Variants in TRAK2 observed in about 807,000 individuals in gnomAD.
The protein encoded by TRAK2 is trafficking kinesin protein 2, also known as trafficking kinesin-binding protein 2.
In TRAK2, 81 loss-of-function variants were observed where a neutral mutation model predicts 104.6. That is an observed-to-expected ratio of 0.77 (90% CI 0.65 to 0.93). The LOEUF (loss-of-function observed/expected upper bound fraction) is 0.93. Ranked by LOEUF, TRAK2 falls within the 40% of genes least tolerant of loss-of-function variation. The probability of loss-of-function intolerance (pLI) is 0.00; values close to 1 mark genes in which losing one functional copy is unlikely to be tolerated. For missense variants in TRAK2, 1,002 were observed against 1,089.0 expected (o/e 0.92, Z 1.12); for synonymous variants, 406 against 394.4 (o/e 1.03, Z -0.35).
rs1319058310 is a variant in TRAK2, at chr2:201,447,563, A to ATCC, written c.-200+3784_-200+3786dup. Among the ~76,000 whole-genome samples, 1 of 152,084 alleles carries ATCC rather than the reference A, an allele frequency of 6.6e-6. No individual in the cohort carries two copies. The highest frequency in any genetic ancestry group is 2.4e-5 in the African/African-American group (1 of 41,396). ...CCTCTCTCCTTGGTCTTCTTGATGA[A>ATCC]TCCTCACATGGTCTTTCCTTTGTGT... On this transcript the variant is annotated intron_variant, in intron 1 of 15. Coordinates refer to ENST00000332624, the MANE Select transcript of TRAK2 (RefSeq NM_015049.3). The surrounding 1 kb of genome is among the most constrained non-coding windows in gnomAD (Gnocchi z 4.1).
rs544072684 is a variant in TRAK2, at chr2:201,419,933, G to A, written c.91+484C>T. On this transcript the variant is annotated intron_variant, in intron 2 of 15. Coordinates refer to ENST00000332624, the MANE Select transcript of TRAK2 (RefSeq NM_015049.3). Reference sequence around the variant, plus strand: ...TGAGTTAAGTCTAGAAACAGCCAAAGTCTGGTTTGGTGGGCAAATGAGTTT... The same window carrying A: ...TGAGTTAAGTCTAGAAACAGCCAAAATCTGGTTTGGTGGGCAAATGAGTTT... 7.9e-5 allele frequency among the ~76,000 whole-genome samples: 12 copies of A among 152,298 alleles called. No homozygotes were observed. The South Asian group carries it at 2.1e-3, about 26-fold the overall frequency.
chr2:201,381,201 A>G lies in TRAK2; in HGVS notation c.2087T>C (p.Leu696Ser), dbSNP rs1242127037. The change falls in exon 16 of 16, where the codon TTA (leucine) becomes TCA (serine). Residue 696 changes from leucine to serine, a missense_variant. Leu to Ser is a moderately radical substitution (Grantham distance 145, BLOSUM62 -2). Coordinates refer to ENST00000332624, the MANE Select transcript of TRAK2 (RefSeq NM_015049.3). The part of the protein sequence containing the change: ...QVTPSSGFPS[L>S]SCGSSGSSSS... ...ACTGCTACCGCTACTTCCACAGGATAATGAAGGGAACCCAGAGCTTAAAAA... is the reference window on the plus strand; with the variant it reads ...ACTGCTACCGCTACTTCCACAGGATGATGAAGGGAACCCAGAGCTTAAAAA... 1.9e-6 allele frequency: 3 copies of G among 1,605,966 alleles called. No homozygotes were observed.
rs553362529 is a variant in TRAK2, at chr2:201,379,107, T to A, written c.*1436A>T. ...AGTCCCCTCTCTCATCTTTTCTCTA[T>A]CATGTCTTTTGTATAAAGACATTTC... On this transcript the variant is annotated 3_prime_UTR_variant, in exon 16 of 16. Coordinates refer to ENST00000332624, the MANE Select transcript of TRAK2 (RefSeq NM_015049.3). The A allele has an allele frequency of 1.3e-5, 2 of 152,240 alleles. No individual in the cohort carries two copies. Among genetic ancestry groups the A allele is most frequent in the Non-Finnish European group, 2.9e-5 (2 of 68,046 alleles). 9.4% of individuals were successfully genotyped at this position (152,240 alleles called of 1,614,324 possible). A position where few individuals can be genotyped will look rare whatever the true frequency, so the allele number is the denominator to read the frequency against.
chr2:201,419,739 CA>C (rs1444378463), intron 2 of TRAK2, among the ~76,000 whole-genome samples: 3 of 152,016 alleles, frequency 2.0e-5, no homozygotes, highest in Non-Finnish European at 2.9e-5. Context: ...TAAATTAAAA[CA>C]AACTTTGGGT....
In TRAK2 at chr2:201,420,542, G is replaced by T; in HGVS notation, c.-35C>A. 6.5e-7 allele frequency: 1 copy of T among 1,532,706 alleles called. No individual in the cohort carries two copies. The allele number at this position is 1,532,706 out of a possible 1,614,324, so 94.9% of individuals were successfully genotyped here. A position where few individuals can be genotyped will look rare whatever the true frequency, so the allele number is the denominator to read the frequency against. On this transcript the variant is annotated 5_prime_UTR_variant, in exon 2 of 16. It adds an upstream start codon to the 5' untranslated region. Transcript: ENST00000332624. ...TTTCTTGCTTTGGTTGAGAAGGACAGCTTTGGTATGAATCAGAGTAAAGGA... is the reference window on the plus strand; with the variant it reads ...TTTCTTGCTTTGGTTGAGAAGGACATCTTTGGTATGAATCAGAGTAAAGGA...
intron 3 of TRAK2, 51 bp downstream of exon 3, chr2:201,407,352 C>A: frequency 6.7e-7 from 1 of 1,487,146 alleles, no homozygotes; most frequent in South Asian, 1.2e-5. Flanking sequence ...ACCAAGATAC[C>A]CATGATCATT....
chr2:201,407,768 T>TTC (rs1553622276), intron 2 of TRAK2, among the ~76,000 whole-genome samples, 171 bp from the exon 3 acceptor site: 3 of 151,666 alleles, frequency 2.0e-5, no homozygotes, highest in Non-Finnish European at 4.4e-5. Flanking sequence ...AGTTTTTTTT[T>TTC]CTCCAGGTTT....
intron 2 of TRAK2, among the ~76,000 whole-genome samples, chr2:201,418,383 G>A (rs772474954): frequency 6.6e-6 from 1 of 152,056 alleles, no homozygotes; most frequent in African/African-American, 2.4e-5. Flanking sequence ...ATTATGTTGC[G>A]CAGGCTGGTC....
In TRAK2 at chr2:201,380,827, A is replaced by G. The variant is rs746117555; in HGVS notation, c.2461T>C (p.Ser821Pro). 1.2e-6 allele frequency: 2 copies of G among 1,614,050 alleles called. No homozygotes were observed. The highest frequency in any genetic ancestry group is 1.3e-5 in the African/African-American group (1 of 75,026). The change falls in exon 16 of 16, where the codon TCC (serine) becomes CCC (proline). Residue 821 changes from serine (S) to proline (P), a missense_variant. Ser to Pro is a moderately conservative substitution (Grantham distance 74). Coordinates refer to ENST00000332624, the MANE Select transcript of TRAK2 (RefSeq NM_015049.3). ...TGGCCAACATCAGGAGGGTTCCGGG[A>G]GGGTCTCAAGCCATACATCTCCTGG... is the stretch of plus-strand genomic sequence containing the variant. ...FLQEMYGLRPSRNPPDVGQLK... is the reference protein window; with the variant it reads ...FLQEMYGLRPPRNPPDVGQLK...
At chr2:201,409,400 T>A (rs775130600) in intron 2 of TRAK2, among the ~76,000 whole-genome samples, 1 of 152,174 alleles carries the variant, frequency 6.6e-6, no homozygotes, top group South Asian at 2.1e-4. Context: ...ACAATTCATA[T>A]ATGCTGCAAC....
intron 5 of TRAK2, among the ~76,000 whole-genome samples, chr2:201,399,042 AT>A (rs1951526181): frequency 6.6e-6 from 1 of 151,742 alleles, no homozygotes; most frequent in African/African-American, 2.4e-5. Flanking sequence ...ATACCCACAT[AT>A]TTGGGTACCT....
chr2:201,422,237 T>TG (rs1281261452), intron 1 of TRAK2, among the ~76,000 whole-genome samples: 2 of 151,800 alleles, frequency 1.3e-5, no homozygotes, highest in African/African-American at 2.4e-5. Context: ...GGTATTGGTT[T>TG]GGGGGGAAAA....
chr2:201,390,978 CAT>C (rs1479580006), intron 10 of TRAK2, among the ~76,000 whole-genome samples: 3 of 151,634 alleles, frequency 2.0e-5, no homozygotes, highest in African/African-American at 7.3e-5. Flanking sequence ...TGGATGAAAA[CAT>C]ATATATACAC....
intron 1 of TRAK2, among the ~76,000 whole-genome samples, chr2:201,441,704 T>TC (rs1347817107): frequency 1.3e-5 from 2 of 149,462 alleles, no homozygotes; most frequent in Non-Finnish European, 3.0e-5. Context: ...TTTAATTTTC[T>TC]CCCCCGAGAC....
intron 1 of TRAK2, among the ~76,000 whole-genome samples, chr2:201,449,651 A>ATT (rs1165373025): frequency 2.9e-5 from 4 of 135,784 alleles, no homozygotes; most frequent in Non-Finnish European, 3.2e-5. Flanking sequence ...TGCCTGGCTA[A>ATT]TTTTTTTTTT....
intron 1 of TRAK2, among the ~76,000 whole-genome samples, chr2:201,425,464 C>T (rs972225350): frequency 9.2e-5 from 14 of 152,002 alleles, no homozygotes; most frequent in African/African-American, 1.7e-4. Flanking sequence ...TGCAATGGTG[C>T]GATCTCGGCT....
chr2:201,401,069 C>T lies in TRAK2; in HGVS notation c.312G>A (p.Gln104=). Residue 104 remains glutamine (Q), a synonymous_variant, in exon 4 of 16, where the codon CAG becomes CAA. Transcript: ENST00000332624. ...CGATGTCATTGTAAGTTTTGGTCAT[C>T]TGCTCCACCCTGTCTGTGCCTAGAA... ...YMILGTDRVE[Q]MTKTYNDIDM... The T allele has an allele frequency of 6.2e-7, 1 of 1,610,372 alleles. No individual in the cohort carries two copies. Among genetic ancestry groups the T allele is most frequent in the Non-Finnish European group, 8.5e-7 (1 of 1,177,522 alleles).
At chr2:201,415,074 C>A (rs1158514608) in intron 2 of TRAK2, among the ~76,000 whole-genome samples, 2 of 140,262 alleles carry the variant, frequency 1.4e-5, no homozygotes, top group African/African-American at 5.2e-5. Context: ...CCTTCTCTAC[C>A]ATTTTATCCT....
chr2:201,387,619 T>A, intron 13 of TRAK2, 84 bp downstream of exon 13: 1 of 1,355,626 alleles, frequency 7.4e-7, no homozygotes. Flanking sequence ...AATGTTCCTA[T>A]AATTAAGACA....
Sources: allele counts gnomAD v4.1 joint callset (sites outside exome capture counted in the v4.1 genomes callset), GRCh38; gene constraint gnomAD v4.1.1; non-coding constraint Gnocchi (gnomAD v3.1); transcripts MANE v1.5; gene names NCBI Gene and HGNC (gene_info 2026-07-23, HGNC 2026-07-21).